Variants in REPS1 observed in about 807,000 individuals in gnomAD.
REPS1 encodes RALBP1 associated Eps domain containing 1.
In REPS1, 39 loss-of-function variants were observed where a neutral mutation model predicts 100.9. The observed-to-expected ratio is 0.39, with a 90% CI of 0.30 to 0.50. The LOEUF (loss-of-function observed/expected upper bound fraction) is 0.50, where lower values mean the gene tolerates loss of function less well. Ranked by LOEUF, REPS1 falls within the 20% of genes least tolerant of loss-of-function variation. The pLI is 0.86. For synonymous variants in REPS1, 324 were observed against 340.3 expected (o/e 0.95, Z 0.53); for missense variants, 821 against 968.5 (o/e 0.85, Z 2.02).
At position 138,943,005 on chromosome 6, in the gene REPS1, C is replaced by T. The variant is rs749910198; in HGVS notation, c.980+508G>A. Among the ~76,000 whole-genome samples, 90 of 152,306 alleles carry T rather than the reference C, an allele frequency of 5.9e-4. No individual in the cohort carries two copies. In the Middle Eastern group the frequency reaches 0.01, roughly 17 times the overall value. The stretch of plus-strand genomic sequence containing the variant: ...TCAGGTAATCCACCTGCCTCGGCCT[C>T]CCAAAGTGCTAAGATTACAGGTATG... On this transcript the variant is annotated intron_variant, in intron 7 of 19. Transcript: ENST00000450536.
chr6:138,914,865 ATGTT>A, intron 14 of REPS1, 104 bp from the exon 15 acceptor site: 2 of 1,028,254 alleles, frequency 1.9e-6, no homozygotes, highest in South Asian at 2.9e-5. Flanking sequence ...ATTTCTAAGA[ATGTT>A]TGTTAAGTAT....
chr6:138,962,065 A>G (rs1014662847), intron 1 of REPS1, among the ~76,000 whole-genome samples: 6 of 152,212 alleles, frequency 3.9e-5, no homozygotes, highest in African/African-American at 1.4e-4. Flanking sequence ...GCTAGTGTGG[A>G]GTCAAAATAA....
chr6:138,945,331 T>C lies in REPS1; in HGVS notation c.516A>G (p.Pro172=), dbSNP rs753367666. 1.2e-6 allele frequency: 2 copies of C among 1,612,232 alleles called. No homozygotes were observed. The highest frequency in any genetic ancestry group is 1.7e-5 in the Admixed American group (1 of 59,912). ...SPVVSPQQSP[P]TSPHTWRKHS... is the part of the protein sequence containing the mutation. ...GCTTCCTCCATGTGTGTGGAGAAGT[T>C]GGTGGGGATTGCTGTGGTGAAACTA... The change falls in exon 4 of 20, where the codon CCA becomes CCG. Residue 172 remains proline (P), a synonymous_variant. Coordinates refer to ENST00000450536, the MANE Select transcript of REPS1 (RefSeq NM_001286611.2).
At chr6:138,944,848 A>C (rs1782508433) in intron 4 of REPS1, among the ~76,000 whole-genome samples, 1 of 152,326 alleles carries the variant, frequency 6.6e-6, no homozygotes. Context: ...ATAATTATTC[A>C]TTTTACCTTT....
At chr6:138,956,816 A>G (rs1783421704) in intron 1 of REPS1, among the ~76,000 whole-genome samples, 1 of 152,012 alleles carries the variant, frequency 6.6e-6, no homozygotes, top group Admixed American at 6.5e-5. Flanking sequence ...AAACAGAAAA[A>G]AAAAACCACA....
chr6:138,908,472 T>C (rs770227256), intron 18 of REPS1, among the ~76,000 whole-genome samples, 196 bp downstream of exon 18: 1 of 152,130 alleles, frequency 6.6e-6, no homozygotes, highest in Non-Finnish European at 1.5e-5. Flanking sequence ...TTTTTTTGTA[T>C]TTTTAGCAGA....
At position 138,907,501 on chromosome 6, in the gene REPS1, T is replaced by C. The variant is rs755543658; in HGVS notation, c.2316A>G (p.Gln772=). 3 of 1,607,086 alleles carry C rather than the reference T, an allele frequency of 1.9e-6. No individual in the cohort carries two copies. Among genetic ancestry groups the C allele is most frequent in the African/African-American group, 1.3e-5 (1 of 74,880 alleles). ...GATTCAGAAACTATATTACCTTTAA[T>C]TGTTGCTGCAATTCGCTATTCAATC... is the stretch of plus-strand genomic sequence containing the variant. The part of the protein sequence containing the change: ...LARLNSELQQ[Q]LKDVLEERIS... The change falls in exon 19 of 20, where the codon CAA becomes CAG. Residue 772 remains glutamine, a synonymous_variant. Transcript: ENST00000450536.
chr6:138,970,457 TAA>T (rs11420118), intron 1 of REPS1, among the ~76,000 whole-genome samples: 1 of 141,378 alleles, frequency 7.1e-6, no homozygotes, highest in Non-Finnish European at 1.5e-5. Flanking sequence ...AAGAATATCT[TAA>T]AAAAAAAAAA....
chr6:138,947,312 C>T (rs766622132), intron 2 of REPS1, among the ~76,000 whole-genome samples: 4 of 152,048 alleles, frequency 2.6e-5, no homozygotes, highest in African/African-American at 4.8e-5. Context: ...TGTCTCTTAT[C>T]GATCAAAAAG....
In REPS1 at chr6:138,987,525, G is replaced by C. The variant is rs781366962; in HGVS notation, c.153+5C>G. ...CCGCCCGCCGGCCCCGGGACGCGAC[G>C]TTACCTGTAGGACCACGTCGTTCGG... is the stretch of plus-strand genomic sequence containing the variant. On this transcript the variant is annotated splice_donor_5th_base_variant and intron_variant, in intron 1 of 19. Coordinates refer to ENST00000450536, the MANE Select transcript of REPS1 (RefSeq NM_001286611.2). 11 of 1,548,012 alleles carry C rather than the reference G, an allele frequency of 7.1e-6. No homozygotes were observed. Among genetic ancestry groups the C allele is most frequent in the Non-Finnish European group, 8.7e-6 (10 of 1,145,752 alleles).
Position 138,964,733 on chromosome 6 carries a change from CA to C in REPS1, c.154-16821del, listed in dbSNP as rs891638581. Among the ~76,000 whole-genome samples the C allele has an allele frequency of 1.1e-4, 16 of 150,050 alleles. 1 individual carries two copies. Among genetic ancestry groups the C allele is most frequent in the South Asian group, 4.2e-4 (2 of 4,750 alleles). On this transcript the variant is annotated intron_variant, in intron 1 of 19. Coordinates refer to ENST00000450536, the MANE Select transcript of REPS1 (RefSeq NM_001286611.2). ...TATAAAAACAGTATATTTCTCAATA[CA>C]AAAAAAAACCCTAGAAATGTCTTCT... is the stretch of plus-strand genomic sequence containing the variant.
chr6:138,944,610 C>T lies in REPS1; in HGVS notation c.641G>A (p.Gly214Asp), dbSNP rs1236051439. The T allele has an allele frequency of 1.2e-6, 2 of 1,613,510 alleles. No homozygotes were observed. The highest frequency in any genetic ancestry group is 1.3e-5 in the African/African-American group (1 of 74,984). Residue 214 changes from glycine to aspartate, a missense_variant, in exon 5 of 20, where the codon GGT (glycine) becomes GAT (aspartate). Physicochemically the swap from Gly to Asp is moderately conservative, Grantham distance 94. Coordinates refer to ENST00000450536, the MANE Select transcript of REPS1 (RefSeq NM_001286611.2). ...GGAATGCCCTGACCACACTGCATCA[C>T]CAGCAGAAGAACCTATAAGGAGAAT... ...FGEAQSGSSA[G>D]DAVWSGHSPP...
intron 8 of REPS1, among the ~76,000 whole-genome samples, chr6:138,932,107 C>G (rs1482323181): frequency 6.6e-6 from 1 of 152,122 alleles, no homozygotes; most frequent in South Asian, 2.1e-4. Context: ...CCAAGCTGTA[C>G]CACACCCCCA....
At chr6:138,957,178 G>C (rs1207481783) in intron 1 of REPS1, among the ~76,000 whole-genome samples, 1 of 152,096 alleles carries the variant, frequency 6.6e-6, no homozygotes, top group African/African-American at 2.4e-5. Context: ...AGATTGTGAA[G>C]ATCCAGAGTG....
chr6:138,974,505 C>G (rs1168007569), intron 1 of REPS1, among the ~76,000 whole-genome samples: 2 of 152,138 alleles, frequency 1.3e-5, no homozygotes, highest in African/African-American at 4.8e-5. Context: ...GCTAAAACCT[C>G]TTATATTAAA....
At chr6:138,946,498 C>A (rs1782624221) in intron 2 of REPS1, among the ~76,000 whole-genome samples, 1 of 152,132 alleles carries the variant, frequency 6.6e-6, no homozygotes, top group African/African-American at 2.4e-5. Context: ...AGAACCTCCA[C>A]ATGAAGGAAG....
intron 1 of REPS1, among the ~76,000 whole-genome samples, chr6:138,976,970 A>G (rs1409258306): frequency 6.6e-6 from 1 of 152,220 alleles, no homozygotes; most frequent in Non-Finnish European, 1.5e-5. Context: ...AAGTTTTGTA[A>G]TTAAACTATG....
intron 15 of REPS1, 107 bp from the exon 16 acceptor site, chr6:138,913,057 T>C (rs1247789684): frequency 3.7e-6 from 3 of 817,916 alleles, no homozygotes; most frequent in Admixed American, 6.2e-5. Context: ...TGACCTGTTT[T>C]ATTATCTGTA....
intron 1 of REPS1, 114 bp downstream of exon 1, chr6:138,987,416 C>T: frequency 3.5e-6 from 4 of 1,139,536 alleles, no homozygotes; most frequent in East Asian, 2.9e-5. Flanking sequence ...GCTGCGGGGA[C>T]CCCCCGAGGA....
Sources: gnomAD v4.1 joint callset for allele counts (sites outside exome capture counted in the v4.1 genomes callset) on GRCh38, gnomAD v4.1.1 for gene constraint, MANE v1.5 for transcripts, NCBI Gene and HGNC (gene_info 2026-07-23, HGNC 2026-07-21) for gene names.